Variants in SLC14A2 observed in about 807,000 individuals in gnomAD.
SLC14A2 encodes urea transporter 2.
SLC14A2 carries 91 observed loss-of-function variants against 104.6 expected under a neutral mutation model. The ratio of observed to expected loss-of-function variants is 0.87; its 90% CI spans 0.73 to 1.04. The LOEUF is 1.04. Among genes scored for constraint, SLC14A2 ranks in the 50% least tolerant of loss-of-function variants. The pLI is 0.00. For synonymous variants in SLC14A2, 476 were observed against 466.4 expected (o/e 1.02, Z -0.27); for missense variants, 1,189 against 1,156.0 (o/e 1.03, Z -0.41).
rs145158602 is a variant in SLC14A2 at position 45,281,010 on chromosome 18, G to A, written c.-125+67819G>A. 2.2e-3 allele frequency among the ~76,000 whole-genome samples: 328 copies of A among 152,046 alleles called. 2 individuals are homozygous for A. Among genetic ancestry groups the A allele is most frequent in the Middle Eastern group, 0.014 (4 of 294 alleles). ...GCCTCCTCCCCTCCCAACGTGCCAA[G>A]CCCCACCAAGCAGCCCCTCTTTGGC... On this transcript the variant is annotated intron_variant, in intron 1 of 20. Transcript: ENST00000586448.
intron 10 of SLC14A2, among the ~76,000 whole-genome samples, chr18:45,661,209 G>A (rs908045397): frequency 6.6e-6 from 1 of 152,096 alleles, no homozygotes; most frequent in Non-Finnish European, 1.5e-5. Flanking sequence ...CCTTCCATCA[G>A]CAAGCCCAGC....
chr18:45,220,004 A>AT (rs2084046726), intron 1 of SLC14A2, among the ~76,000 whole-genome samples: 1 of 152,198 alleles, frequency 6.6e-6, no homozygotes, highest in South Asian at 2.1e-4. Context: ...TCAATGATAG[A>AT]TTTTCTGTCG....
intron 2 of SLC14A2, among the ~76,000 whole-genome samples, chr18:45,604,124 G>C (rs2044829763): frequency 1.3e-5 from 2 of 152,168 alleles, no homozygotes; most frequent in Admixed American, 1.3e-4. Context: ...ATTTTTCTCT[G>C]TTGCCTATGT....
the SLC14A2 span, among the ~76,000 whole-genome samples, chr18:45,207,423 GAAAA>G: frequency 1.3e-5 from 2 of 149,834 alleles, no homozygotes; most frequent in South Asian, 2.1e-4. Context: ...AAGAGAGAAA[GAAAA>G]AAGAGAAAGA....
intron 1 of SLC14A2, among the ~76,000 whole-genome samples, chr18:45,621,218 T>C (rs968960457): frequency 2.0e-5 from 3 of 152,194 alleles, no homozygotes; most frequent in Non-Finnish European, 4.4e-5. Flanking sequence ...TTTCACTGTC[T>C]CCTAAACCTT....
the SLC14A2 span, among the ~76,000 whole-genome samples, chr18:45,203,807 A>T: frequency 6.6e-6 from 1 of 152,256 alleles, no homozygotes; most frequent in Non-Finnish European, 1.5e-5. Flanking sequence ...TGATCTAATT[A>T]TTCAGCCTTG....
At chr18:45,203,888 C>T in the SLC14A2 span, among the ~76,000 whole-genome samples, 171 of 152,316 alleles carry the variant, frequency 1.1e-3, no homozygotes, top group African/African-American at 4.0e-3. Flanking sequence ...GTGTCAAACA[C>T]TATAGTGCAT....
intron 1 of SLC14A2, among the ~76,000 whole-genome samples, chr18:45,316,070 G>A (rs953191281): frequency 6.6e-6 from 1 of 152,184 alleles, no homozygotes; most frequent in African/African-American, 2.4e-5. Context: ...ACCCCAGAGG[G>A]AGCAAGTACC....
intron 1 of SLC14A2, among the ~76,000 whole-genome samples, chr18:45,428,255 G>A (rs533552278): frequency 3.3e-5 from 5 of 152,300 alleles, no homozygotes; most frequent in African/African-American, 1.2e-4. Context: ...AATATAGCCA[G>A]TCTCTAGGGA....
At chr18:45,418,579 ACGGTACCTTCAGGT>A (rs2086303841) in intron 1 of SLC14A2, among the ~76,000 whole-genome samples, 1 of 152,160 alleles carries the variant, frequency 6.6e-6, no homozygotes, top group Non-Finnish European at 1.5e-5. Flanking sequence ...TAAAACTGGA[ACGGTACCTTCAGGT>A]CAGATTTGAA....
intron 1 of SLC14A2, among the ~76,000 whole-genome samples, chr18:45,229,648 C>T (rs776543631): frequency 8.4e-4 from 128 of 152,264 alleles, no homozygotes; most frequent in African/African-American, 3.1e-3. Flanking sequence ...TACCCTCCTG[C>T]ACTCTACCTG....
chr18:45,246,488 T>G (rs967040772), intron 1 of SLC14A2, among the ~76,000 whole-genome samples: 1 of 152,242 alleles, frequency 6.6e-6, no homozygotes, highest in Non-Finnish European at 1.5e-5. Flanking sequence ...CTTACAGTGA[T>G]GTTAAATTTA....
rs776849685 is a variant in SLC14A2, at chr18:45,625,869, A to G, written c.331+6A>G. The G allele has an allele frequency of 1.8e-5, 26 of 1,453,988 alleles. No homozygotes were observed. Among genetic ancestry groups the G allele is most frequent in the Non-Finnish European group, 2.3e-5 (25 of 1,104,098 alleles). The allele number at this position is 1,453,988 out of a possible 1,614,324, so 90.1% of individuals were successfully genotyped here. On this transcript the variant is annotated splice_donor_region_variant and intron_variant, in intron 3 of 19. Coordinates refer to ENST00000255226, the MANE Select transcript of SLC14A2 (RefSeq NM_007163.4). ...GTACAGGATCTGGCTGAAAGGTAGG[A>G]AAATACCCTGGGGAGAGGCAGCCAG...
At chr18:45,174,906 A>G in the SLC14A2 span, among the ~76,000 whole-genome samples, 1 of 152,210 alleles carries the variant, frequency 6.6e-6, no homozygotes, top group Admixed American at 6.5e-5. Context: ...AATGGAAATG[A>G]AAATCACACT....
intron 1 of SLC14A2, among the ~76,000 whole-genome samples, chr18:45,392,809 A>T (rs944011674): frequency 6.6e-6 from 1 of 152,218 alleles, no homozygotes; most frequent in Non-Finnish European, 1.5e-5. Flanking sequence ...GTTCTTTTTA[A>T]CAAAGTGGTA....
At chr18:45,535,558 G>A (rs1341296677) in intron 2 of SLC14A2, among the ~76,000 whole-genome samples, 1 of 152,282 alleles carries the variant, frequency 6.6e-6, no homozygotes, top group Middle Eastern at 3.4e-3. Context: ...GTCTAAGATT[G>A]TGCAAAGAAG....
intron 1 of SLC14A2, among the ~76,000 whole-genome samples, chr18:45,222,177 T>A (rs970988469): frequency 1.3e-5 from 2 of 152,178 alleles, no homozygotes; most frequent in African/African-American, 4.8e-5. Context: ...GGTTCTCAGT[T>A]TACTTGTTTA....
At chr18:45,301,263 C>T (rs564971170) in intron 1 of SLC14A2, among the ~76,000 whole-genome samples, 2 of 152,238 alleles carry the variant, frequency 1.3e-5, no homozygotes, top group Non-Finnish European at 2.9e-5. Context: ...TGAGTCAGGA[C>T]TAGAACCCCG....
At chr18:45,416,456 C>G (rs1015495692) in intron 1 of SLC14A2, among the ~76,000 whole-genome samples, 1 of 152,054 alleles carries the variant, frequency 6.6e-6, no homozygotes, top group African/African-American at 2.4e-5. Context: ...AATAATTGGT[C>G]GTGGCCTTTT....
Sources: allele counts gnomAD v4.1 joint callset (sites outside exome capture counted in the v4.1 genomes callset), GRCh38; gene constraint gnomAD v4.1.1; transcripts MANE v1.5; gene names NCBI Gene and HGNC (gene_info 2026-07-23, HGNC 2026-07-21).